The following GATAD2B variants were observed in gnomAD, a reference collection of about 807,000 sequenced individuals.
GATAD2B encodes transcriptional repressor p66-beta.
In GATAD2B, 8 loss-of-function variants were observed where a neutral mutation model predicts 64.3. The ratio of observed to expected loss-of-function variants is 0.12; its 90% confidence interval spans 0.07 to 0.22. The LOEUF (loss-of-function observed/expected upper bound fraction) is 0.22, where lower values mean the gene tolerates loss of function less well. Ranked by LOEUF, GATAD2B falls within the 10% of genes least tolerant of loss-of-function variation. The pLI is 1.00. For missense variants in GATAD2B, 453 were observed against 752.0 expected, an observed-to-expected ratio of 0.60 and a Z score of 4.65; for synonymous variants, 281 against 271.3, an observed-to-expected ratio of 1.04 and a Z score of -0.35.
In GATAD2B at chr1:153,809,503, C is replaced by T. The variant is rs1674217675; in HGVS notation, c.*674G>A. On this transcript the variant is annotated 3_prime_UTR_variant, in exon 11 of 11. Transcript: ENST00000368655. ...CTTAGAGCCCAACTTCAGTACCAAA[C>T]ACTGCCACCCAAATTGTCCAGCCCC... is the stretch of plus-strand genomic sequence containing the variant. 6.6e-6 allele frequency: 1 copy of T among 152,558 alleles called. No individual in the cohort carries two copies. Among genetic ancestry groups the T allele is most frequent in the Non-Finnish European group, 1.5e-5 (1 of 68,046 alleles). 9.5% of individuals were successfully genotyped at this position (152,558 alleles called of 1,614,324 possible). A position where few individuals can be genotyped will look rare whatever the true frequency, so the allele number is the denominator to read the frequency against.
intron 1 of GATAD2B, among the ~76,000 whole-genome samples, chr1:153,859,094 A>G (rs1288812831): frequency 6.6e-6 from 1 of 152,020 alleles, no homozygotes; most frequent in Non-Finnish European, 1.5e-5. Flanking sequence ...TTAAGACTAT[A>G]TAGGGTGCAG....
At position 153,851,061 on chromosome 1, in the gene GATAD2B, T is replaced by G. The variant is rs530240093; in HGVS notation, c.-1-22713A>C. Among the ~76,000 whole-genome samples, 70 of 152,290 alleles carry G rather than the reference T, an allele frequency of 4.6e-4. 1 individual carries two copies. Among genetic ancestry groups the G allele is most frequent in the African/African-American group, 1.7e-3 (69 of 41,548 alleles). On this transcript the variant is annotated intron_variant, in intron 1 of 10. Transcript: ENST00000368655. Reference sequence around the variant, plus strand: ...TGTATGGCAGATCTCTAGAGCTTTTTCCCGTTTGACATTAATTTTACATAC... The same window carrying G: ...TGTATGGCAGATCTCTAGAGCTTTTGCCCGTTTGACATTAATTTTACATAC...
intron 1 of GATAD2B, among the ~76,000 whole-genome samples, chr1:153,864,170 T>A (rs1338992498): frequency 6.6e-6 from 1 of 152,104 alleles, no homozygotes; most frequent in African/African-American, 2.4e-5. Context: ...ATGTTGTAAG[T>A]GATACATTCA....
intron 1 of GATAD2B, among the ~76,000 whole-genome samples, chr1:153,865,367 A>G (rs758766355): frequency 6.6e-6 from 1 of 152,052 alleles, no homozygotes; most frequent in Non-Finnish European, 1.5e-5. Context: ...AGGCTGAGGC[A>G]GGAGAATCGC....
In GATAD2B at chr1:153,815,708, G is replaced by T. The variant is rs146794070; in HGVS notation, c.1216+565C>A. 2.0e-3 allele frequency among the ~76,000 whole-genome samples: 302 copies of T among 151,980 alleles called. 2 individuals are homozygous for T. Among genetic ancestry groups the T allele is most frequent in the African/African-American group, 6.9e-3 (286 of 41,342 alleles). On this transcript the variant is annotated intron_variant, in intron 7 of 10. Transcript: ENST00000368655. ...TAGATTAGATAGAATAGAATAGATA[G>T]ATTAGATAGATGATAGATTAGATAG...
In GATAD2B at chr1:153,828,046, T is replaced by C. The variant is rs763612787; in HGVS notation, c.302A>G (p.Asn101Ser). The change falls in exon 2 of 11, where the codon AAT becomes AGT. Residue 101 changes from asparagine (N) to serine (S), a missense_variant. This residue lies in a region of GATAD2B where 293 missense variants were observed against 417.2 expected (regional missense o/e 0.70). Transcript: ENST00000368655. Reference sequence around the variant, plus strand: ...AGCACTCATATCCACAGGCTCATCATTGATGTTTTCTTTGCCTGGCCTTCC... The same window carrying C: ...AGCACTCATATCCACAGGCTCATCACTGATGTTTTCTTTGCCTGGCCTTCC... The part of the protein sequence containing the change: ...TAGRPGKENI[N>S]DEPVDMSARR... 1.1e-5 allele frequency: 18 copies of C among 1,614,008 alleles called. No homozygotes were observed. Among genetic ancestry groups the C allele is most frequent in the African/African-American group, 4.0e-5 (3 of 74,924 alleles).
chr1:153,910,693 C>T (rs10908526), intron 1 of GATAD2B, among the ~76,000 whole-genome samples: 86,917 of 151,878 alleles, frequency 0.57, 25,880 homozygotes, highest in East Asian at 0.94. Context: ...TGAGCCAAGA[C>T]TGCGCCACTG....
chr1:153,895,325 C>T (rs1447708248), intron 1 of GATAD2B, among the ~76,000 whole-genome samples: 3 of 150,016 alleles, frequency 2.0e-5, no homozygotes, highest in East Asian at 3.9e-4. Context: ...CAGAGCGAGA[C>T]TCCATCTCAA....
intron 1 of GATAD2B, among the ~76,000 whole-genome samples, chr1:153,891,252 A>G (rs923227612): frequency 2.0e-5 from 3 of 149,802 alleles, no homozygotes; most frequent in Non-Finnish European, 4.5e-5. Flanking sequence ...GAAAGAGGTG[A>G]AAAAAAAAGG....
chr1:153,865,516 C>T (rs901424031), intron 1 of GATAD2B, among the ~76,000 whole-genome samples: 43 of 152,220 alleles, frequency 2.8e-4, no homozygotes, highest in African/African-American at 9.9e-4. Flanking sequence ...CAGGACACTC[C>T]CCTTCTACCA....
chr1:153,845,186 A>C (rs192995436), intron 1 of GATAD2B, among the ~76,000 whole-genome samples: 3 of 152,326 alleles, frequency 2.0e-5, no homozygotes, highest in Non-Finnish European at 2.9e-5. Context: ...ATAGTGTGGT[A>C]CTGGCTTAAA....
chr1:153,808,799 T>TAA lies in GATAD2B; in HGVS notation c.*1376_*1377dup, dbSNP rs58886241. On this transcript the variant is annotated 3_prime_UTR_variant, in exon 11 of 11. Transcript: ENST00000368655. ...ATTCATTCTCTACATTAGTAGCGCT[T>TAA]AAAAAAAAAAAAAAAAAAAAGGCAA... 9.4e-3 allele frequency: 886 copies of TAA among 93,816 alleles called. 10 individuals are homozygous for TAA. The highest frequency in any genetic ancestry group is 0.027 in the African/African-American group (684 of 25,644). 5.8% of individuals were successfully genotyped at this position (93,816 alleles called of 1,614,324 possible). A position where few individuals can be genotyped will look rare whatever the true frequency, so the allele number is the denominator to read the frequency against.
chr1:153,853,226 G>T, intron 1 of GATAD2B: 1 of 1,112,972 alleles, frequency 9.0e-7, no homozygotes, highest in Non-Finnish European at 1.4e-6. Context: ...GAGCACACTG[G>T]TCATGGCCAC....
intron 2 of GATAD2B, among the ~76,000 whole-genome samples, chr1:153,824,872 C>T (rs1674815545): frequency 1.3e-5 from 2 of 151,958 alleles, no homozygotes; most frequent in Non-Finnish European, 2.9e-5. Context: ...TCACTTGAGT[C>T]CAGGAGTTAG....
At chr1:153,898,306 C>CAAAAAAAAAAAAAAA in intron 1 of GATAD2B, among the ~76,000 whole-genome samples, 1 of 80,634 alleles carries the variant, frequency 1.2e-5, no homozygotes. Flanking sequence ...CAGCCTGTCT[C>CAAAAAAAAAAAAAAA]AAAAAAAAAA....
intron 1 of GATAD2B, among the ~76,000 whole-genome samples, chr1:153,845,655 G>A (rs113930308): frequency 6.9e-6 from 1 of 145,886 alleles, no homozygotes; most frequent in African/African-American, 2.5e-5. Context: ...GGGCTGCAAG[G>A]GGGGGTGAGG....
intron 1 of GATAD2B, among the ~76,000 whole-genome samples, chr1:153,849,149 G>A (rs1675798196): frequency 6.6e-6 from 1 of 152,190 alleles, no homozygotes; most frequent in Non-Finnish European, 1.5e-5. Flanking sequence ...ACCGTACCCA[G>A]CTTTGGGCAC....
At chr1:153,829,521 A>C (rs887254551) in intron 1 of GATAD2B, among the ~76,000 whole-genome samples, 1 of 151,838 alleles carries the variant, frequency 6.6e-6, no homozygotes, top group East Asian at 1.9e-4. Flanking sequence ...GTGGATCACG[A>C]GGTCAGGAGT....
intron 1 of GATAD2B, among the ~76,000 whole-genome samples, chr1:153,878,845 T>C (rs1219482046): frequency 6.9e-6 from 1 of 145,746 alleles, no homozygotes; most frequent in Non-Finnish European, 1.5e-5. Context: ...TGGTGCAATC[T>C]AGGCTCACTG....
Sources: allele counts gnomAD v4.1 joint callset (sites outside exome capture counted in the v4.1 genomes callset), GRCh38; gene constraint gnomAD v4.1.1; regional missense constraint gnomAD v4.1.1; transcripts MANE v1.5; gene names NCBI Gene and HGNC (gene_info 2026-07-23, HGNC 2026-07-21).